MLKL: variants seen among roughly 807,000 people sequenced by gnomAD.
MLKL encodes mixed lineage kinase domain-like protein.
In MLKL, 55 loss-of-function variants were observed where a neutral mutation model predicts 56.5. The observed-to-expected ratio is 0.97, with a 90% CI of 0.78 to 1.22. MLKL has a LOEUF of 1.22. MLKL is among the 50% of genes most tolerant of loss of function. The probability of loss-of-function intolerance (pLI) is 0.00; values close to 1 mark genes in which losing one functional copy is unlikely to be tolerated. For synonymous variants in MLKL, 251 were observed against 208.3 expected (o/e 1.20, Z -1.76); for missense variants, 694 against 573.9 (o/e 1.21, Z -2.14).
At chr16:74,682,823 C>T (rs1411792179) in intron 5 of MLKL, 37 bp from the exon 6 acceptor site, 1 of 1,609,936 alleles carries the variant, frequency 6.2e-7, no homozygotes, top group Non-Finnish European at 8.5e-7. Context: ...AGGACCCGCC[C>T]TACTTGAAGC....
intron 1 of MLKL, among the ~76,000 whole-genome samples, chr16:74,697,524 A>G (rs1274650213): frequency 6.6e-6 from 1 of 152,184 alleles, no homozygotes; most frequent in African/African-American, 2.4e-5. Flanking sequence ...CCAGCTCTCC[A>G]TGGTTATTTT....
intron 3 of MLKL, 82 bp downstream of exon 3, chr16:74,692,260 G>A (rs1803402814): frequency 1.6e-6 from 2 of 1,235,462 alleles, no homozygotes; most frequent in African/African-American, 1.5e-5. Context: ...AAATGCAGGG[G>A]TAGCGGGAGG....
intron 2 of MLKL, 135 bp downstream of exon 2, chr16:74,695,163 C>T (rs374929317): frequency 4.2e-6 from 4 of 942,842 alleles, no homozygotes; most frequent in South Asian, 1.7e-5. Context: ...AGAGCCATCG[C>T]GCCCAGCTAG....
intron 7 of MLKL, chr16:74,677,083 C>G (rs761755787): frequency 6.6e-6 from 1 of 152,224 alleles, no homozygotes; most frequent in Non-Finnish European, 1.5e-5. Context: ...GACGGAGTCT[C>G]ACTCTGTCGC....
chr16:74,695,649 CGAG>C lies in MLKL; in HGVS notation c.106_108del (p.Leu36del). Reference sequence around the variant, plus strand: ...AGCATCTCCAGAGGCTTGATCAGGCCGAGGACGCGGTGGCCCAGGCGCCGGCAC... The same window carrying C: ...AGCATCTCCAGAGGCTTGATCAGGCCGACGCGGTGGCCCAGGCGCCGGCAC... On this transcript the variant is annotated inframe_deletion, in exon 2 of 11. Transcript: ENST00000308807. 6.2e-7 allele frequency: 1 copy of C among 1,614,144 alleles called. No individual in the cohort carries two copies. Among genetic ancestry groups the C allele is most frequent in the Non-Finnish European group, 8.5e-7 (1 of 1,180,028 alleles).
chr16:74,695,403 C>T lies in MLKL; in HGVS notation c.355G>A (p.Glu119Lys). The T allele has an allele frequency of 1.2e-6, 2 of 1,614,244 alleles. No individual in the cohort carries two copies. Among genetic ancestry groups the T allele is most frequent in the Non-Finnish European group, 1.7e-6 (2 of 1,180,052 alleles). Residue 119 changes from glutamate to lysine, a missense_variant, in exon 2 of 11, where the codon GAG becomes AAG. Coordinates refer to ENST00000308807, the MANE Select transcript of MLKL (RefSeq NM_152649.4). ...ATGGGTGAAACAGGCATGCGTTGCT[C>T]AACCTGAAGTAACAGCGAGAGCTCC... ...WKELSLLLQV[E>K]QRMPVSPISQ... is the part of the protein sequence containing the mutation.
rs1196402644 is a variant in MLKL at position 74,691,357 on chromosome 16, G to A, written c.642C>T (p.Val214=). The change falls in exon 4 of 11, where the codon GTC becomes GTT. Residue 214 remains valine, a synonymous_variant. Coordinates refer to ENST00000308807, the MANE Select transcript of MLKL (RefSeq NM_152649.4). ...GGTATTCTCCTTTATAAAGTGTGCT[G>A]ACTTCATTTTCCCTTAGCAGAATCC... ...SPWILLRENE[V]STLYKGEYHR... 4 of 1,614,098 alleles carry A rather than the reference G, an allele frequency of 2.5e-6. No homozygotes were observed. The highest frequency in any genetic ancestry group is 3.4e-6 in the Non-Finnish European group (4 of 1,180,030).
intron 9 of MLKL, 104 bp from the exon 10 acceptor site, chr16:74,675,204 C>A (rs1175636553): frequency 1.9e-6 from 3 of 1,557,070 alleles, no homozygotes; most frequent in South Asian, 1.2e-5. Flanking sequence ...AGTATGGAAA[C>A]AACAAGAACT....
intron 5 of MLKL, among the ~76,000 whole-genome samples, chr16:74,683,416 T>C (rs1174055770): frequency 6.6e-6 from 1 of 151,630 alleles, no homozygotes; most frequent in Non-Finnish European, 1.5e-5. Flanking sequence ...GCCAACATGA[T>C]GAAACCTCGT....
chr16:74,676,284 C>A, intron 7 of MLKL: 16 of 987,530 alleles, frequency 1.6e-5, no homozygotes, highest in African/African-American at 1.7e-5. Context: ...GTCATCCCCC[C>A]AGGCCTGCGC....
At chr16:74,680,492 T>A (rs936124320) in intron 6 of MLKL, among the ~76,000 whole-genome samples, 2 of 151,648 alleles carry the variant, frequency 1.3e-5, no homozygotes, top group Admixed American at 6.6e-5. Context: ...TTTTTGTTTT[T>A]TTGTTTTTGT....
At chr16:74,675,591 C>G in intron 8 of MLKL, 22 bp downstream of exon 8, 2 of 1,606,484 alleles carry the variant, frequency 1.2e-6, no homozygotes, top group Non-Finnish European at 1.7e-6. Flanking sequence ...GAGTTAGAAT[C>G]TGTACCAGAA....
At chr16:74,696,043 G>C (rs1047811733) in intron 1 of MLKL, among the ~76,000 whole-genome samples, 1 of 152,196 alleles carries the variant, frequency 6.6e-6, no homozygotes, top group Non-Finnish European at 1.5e-5. Flanking sequence ...GGGTTTAAGT[G>C]CATGTGACCT....
At position 74,691,312 on chromosome 16, in the gene MLKL, T is replaced by G. The variant is rs1044690374; in HGVS notation, c.687A>C (p.Ile229=). 7.4e-6 allele frequency: 12 copies of G among 1,612,666 alleles called. No individual in the cohort carries two copies. Among genetic ancestry groups the G allele is most frequent in the African/African-American group, 2.7e-5 (2 of 74,726 alleles). ...CAGCCTGGAGTTTTTTGAATACTTT[T>G]ATGGCCACTGGAGCTCTGTGGTATT... ...KGEYHRAPVA[I]KVFKKLQAGS... is the part of the protein sequence containing the mutation. The change falls in exon 4 of 11, where the codon ATA becomes ATC. Residue 229 remains isoleucine (I), a synonymous_variant. Transcript: ENST00000308807.
chr16:74,675,992 TGG>T, intron 7 of MLKL: 1 of 540,784 alleles, frequency 1.8e-6, no homozygotes, highest in South Asian at 2.6e-5. Context: ...CTGTATAAAA[TGG>T]GGCGATGACA....
chr16:74,675,870 T>C (rs1473572803), intron 7 of MLKL, 106 bp from the exon 8 acceptor site: 1 of 1,228,914 alleles, frequency 8.1e-7, no homozygotes, highest in East Asian at 2.3e-5. Flanking sequence ...TCTTTTACCT[T>C]AGGGATTTAT....
chr16:74,685,319 T>A (rs768481807), intron 5 of MLKL, among the ~76,000 whole-genome samples, 167 bp downstream of exon 5: 1 of 151,806 alleles, frequency 6.6e-6, no homozygotes, highest in Non-Finnish European at 1.5e-5. Context: ...TGAAAGAAGA[T>A]GAGAACATGC....
chr16:74,676,457 C>T, intron 7 of MLKL: 2 of 985,446 alleles, frequency 2.0e-6, no homozygotes, highest in Non-Finnish European at 2.4e-6. Flanking sequence ...GGATAAGGCA[C>T]TTAGATGGCT....
In MLKL at chr16:74,672,452, G is replaced by A. The variant is rs1029549413; in HGVS notation, c.*52C>T. Reference sequence around the variant, plus strand: ...TATGAGAGAGAGAGATGTCCAGTTTGTGCCTCTCCCAGCTTCTTGTCCAGA... The same window carrying A: ...TATGAGAGAGAGAGATGTCCAGTTTATGCCTCTCCCAGCTTCTTGTCCAGA... On this transcript the variant is annotated 3_prime_UTR_variant, in exon 11 of 11. Coordinates refer to ENST00000308807, the MANE Select transcript of MLKL (RefSeq NM_152649.4). 5 of 1,535,502 alleles carry A rather than the reference G, an allele frequency of 3.3e-6. No homozygotes were observed. Among genetic ancestry groups the A allele is most frequent in the African/African-American group, 2.7e-5 (2 of 73,080 alleles).
Sources: allele counts gnomAD v4.1 joint callset (sites outside exome capture counted in the v4.1 genomes callset), GRCh38; gene constraint gnomAD v4.1.1; transcripts MANE v1.5; gene names NCBI Gene and HGNC (gene_info 2026-07-23, HGNC 2026-07-21).